Variants in ZFHX3 observed in about 807,000 individuals in gnomAD.
The protein encoded by ZFHX3 is zinc finger homeobox 3, also known as zinc finger homeobox protein 3.
Under a neutral mutation model 279.1 loss-of-function variants are expected in ZFHX3, and 42 were observed. That is an observed-to-expected ratio of 0.15 (90% CI 0.12 to 0.19). The LOEUF is 0.19. ZFHX3 is among the 10% of genes least tolerant of loss of function. The pLI is 1.00. For synonymous variants in ZFHX3, 2,293 were observed against 1,957.8 expected (o/e 1.17, Z -4.52); for missense variants, 4,981 against 4,754.0 (o/e 1.05, Z -1.40).
intron 1 of ZFHX3, among the ~76,000 whole-genome samples, chr16:73,005,205 A>AC (rs2144607896): frequency 6.6e-6 from 1 of 152,332 alleles, no homozygotes; most frequent in African/African-American, 2.4e-5. Flanking sequence ...AAGTTCATAT[A>AC]AAGTCTTGGT....
In ZFHX3 at chr16:73,248,246, G is replaced by A. The variant is rs565857684; in HGVS notation, c.-1104+8801C>T. Among the ~76,000 whole-genome samples the A allele has an allele frequency of 2.0e-5, 3 of 151,828 alleles. No homozygotes were observed. The East Asian group carries it at 5.8e-4, about 29-fold the overall frequency. On this transcript the variant is annotated intron_variant, in intron 5 of 17. Coordinates refer to the ZFHX3 transcript ENST00000641206. ...TGTATACTGTGCAATATGTGTGTGT[G>A]TTTATGTGCGTGTATGTGGAATGTT...
rs2013701501 is a variant in ZFHX3 at position 73,257,798 on chromosome 16, A to G, written c.-1193-662T>C. Among the ~76,000 whole-genome samples the G allele has an allele frequency of 2.6e-5, 4 of 152,354 alleles. No homozygotes were observed. The South Asian group carries it at 8.3e-4, about 32-fold the overall frequency. On this transcript the variant is annotated intron_variant, in intron 4 of 17. Coordinates refer to the ZFHX3 transcript ENST00000641206. ...TTAGAAGAAAGGCCAAGGCCTAACA[A>G]CCTTACAGGTTGGTTATACAGGCAA...
At chr16:73,764,870 G>A (rs1224292121) in intron 1 of ZFHX3, among the ~76,000 whole-genome samples, 7 of 152,224 alleles carry the variant, frequency 4.6e-5, no homozygotes, top group Admixed American at 2.0e-4. Context: ...ATACCTATGC[G>A]TCTTGGATTT....
chr16:73,705,431 T>C (rs1252065711), intron 1 of ZFHX3, among the ~76,000 whole-genome samples: 1 of 152,158 alleles, frequency 6.6e-6, no homozygotes, highest in Non-Finnish European at 1.5e-5. Flanking sequence ...AGCTGGCCAT[T>C]GGACCTTGGG....
chr16:73,168,981 G>A (rs1967458606), intron 5 of ZFHX3, among the ~76,000 whole-genome samples: 1 of 152,060 alleles, frequency 6.6e-6, no homozygotes, highest in African/African-American at 2.4e-5. Flanking sequence ...ACTTCATTCA[G>A]CTTATATTTC....
At chr16:72,907,545 T>TTTTGTGTGTGTGTGTGTGTG (rs1394689944) in intron 3 of ZFHX3, among the ~76,000 whole-genome samples, 1 of 120,404 alleles carries the variant, frequency 8.3e-6, no homozygotes, top group African/African-American at 3.2e-5. Flanking sequence ...TTTCCTCTAT[T>TTTTGTGTGTGTGTGTGTGTG]TGTGTGTGTG....
At chr16:73,795,265 G>T (rs1022472659) in intron 1 of ZFHX3, among the ~76,000 whole-genome samples, 2 of 152,206 alleles carry the variant, frequency 1.3e-5, no homozygotes, top group African/African-American at 4.8e-5. Flanking sequence ...CCATGACTTT[G>T]CTTTGTCTGG....
rs79760522 is a variant in ZFHX3 at position 73,608,339 on chromosome 16, C to T, written c.-1547+71841G>A. Among the ~76,000 whole-genome samples the T allele has an allele frequency of 3.9e-3, 596 of 152,276 alleles. 5 individuals carry two copies. The highest frequency in any genetic ancestry group is 0.014 in the African/African-American group (579 of 41,538). On this transcript the variant is annotated intron_variant, in intron 2 of 17. Coordinates refer to the ZFHX3 transcript ENST00000641206. The stretch of plus-strand genomic sequence containing the variant: ...CGTCCCACCATGGCAAGACAGTGTA[C>T]ATAAGAGATTCTAACTCACACTTGG...
chr16:73,541,985 A>G (rs931771032), intron 2 of ZFHX3, among the ~76,000 whole-genome samples: 4 of 151,434 alleles, frequency 2.6e-5, no homozygotes, highest in African/African-American at 9.7e-5. Context: ...TATTTTTAGT[A>G]GAGACGGGGT....
chr16:73,486,663 G>C (rs72799499), intron 2 of ZFHX3: 18,856 of 393,704 alleles, frequency 0.048, 1,000 homozygotes, highest in African/African-American at 0.18. Flanking sequence ...GCTGGGATTA[G>C]AGGTGTGATG....
chr16:73,716,648 CACGCAT>C (rs895260848), intron 1 of ZFHX3, among the ~76,000 whole-genome samples: 38 of 16,436 alleles, frequency 2.3e-3, no homozygotes, highest in Non-Finnish European at 0.015. Flanking sequence ...CACACACACA[CACGCAT>C]GCACGCACGC....
intron 5 of ZFHX3, among the ~76,000 whole-genome samples, chr16:73,254,914 A>G (rs567926173): frequency 1.3e-5 from 2 of 152,046 alleles, no homozygotes; most frequent in African/African-American, 4.8e-5. Flanking sequence ...CCATCCATCC[A>G]TCCATCCACC....
chr16:73,147,420 C>T (rs1202773501), intron 5 of ZFHX3, among the ~76,000 whole-genome samples: 1 of 151,814 alleles, frequency 6.6e-6, no homozygotes, highest in African/African-American at 2.4e-5. Context: ...GGGCCGGGCG[C>T]GGTGGCTCAC....
chr16:72,893,276 AC>A (rs1347403367), intron 3 of ZFHX3, among the ~76,000 whole-genome samples: 1 of 152,180 alleles, frequency 6.6e-6, no homozygotes, highest in Non-Finnish European at 1.5e-5. Flanking sequence ...CTAAAGCCTT[AC>A]CTCCAATCCC....
At chr16:73,261,827 C>G (rs1205800106) in intron 4 of ZFHX3, among the ~76,000 whole-genome samples, 3 of 151,946 alleles carry the variant, frequency 2.0e-5, no homozygotes, top group African/African-American at 7.2e-5. Flanking sequence ...AGGGATGCAC[C>G]ACCACGCTCG....
At chr16:73,554,653 C>T (rs766961362) in intron 2 of ZFHX3, 16 of 152,126 alleles carry the variant, frequency 1.1e-4, no homozygotes, top group African/African-American at 2.4e-4. Context: ...TCACAGACCT[C>T]GGAATGGGAA....
chr16:73,887,121 G>T (rs2030372532), intron 1 of ZFHX3, among the ~76,000 whole-genome samples: 1 of 152,130 alleles, frequency 6.6e-6, no homozygotes, highest in Non-Finnish European at 1.5e-5. Flanking sequence ...GCGATGGTAA[G>T]GATTAATAAA....
intron 1 of ZFHX3, among the ~76,000 whole-genome samples, chr16:73,747,123 T>C (rs2053711794): frequency 3.3e-5 from 5 of 152,192 alleles, no homozygotes; most frequent in Admixed American, 3.3e-4. Context: ...GTGCAAGGGC[T>C]CACACTTGTA....
chr16:73,138,268 C>T (rs926804735), intron 6 of ZFHX3, among the ~76,000 whole-genome samples: 1 of 152,194 alleles, frequency 6.6e-6, no homozygotes, highest in Admixed American at 6.5e-5. Context: ...CCCAGCTCCA[C>T]TCTCTGCTTG....
Sources: gnomAD v4.1 joint callset for allele counts (sites outside exome capture counted in the v4.1 genomes callset) on GRCh38, gnomAD v4.1.1 for gene constraint, MANE v1.5 for transcripts, NCBI Gene and HGNC (gene_info 2026-07-23, HGNC 2026-07-21) for gene names.